Variants in CELSR2 observed in about 807,000 individuals in gnomAD.
The protein encoded by CELSR2 is cadherin EGF LAG seven-pass G-type receptor 2.
CELSR2 carries 81 observed loss-of-function variants against 251.6 expected under a neutral mutation model. The observed-to-expected ratio is 0.32, with a 90% CI of 0.27 to 0.39. The LOEUF is 0.39. Ranked by LOEUF, CELSR2 falls within the 10% of genes least tolerant of loss-of-function variation. The pLI is 1.00. For missense variants in CELSR2, 3,365 were observed against 3,947.7 expected, an observed-to-expected ratio of 0.85 and a Z score of 3.96; for synonymous variants, 1,721 against 1,670.5, an observed-to-expected ratio of 1.03 and a Z score of -0.74.
intron 28 of CELSR2, 48 bp downstream of exon 28, chr1:109,271,770 A>G: frequency 6.2e-7 from 1 of 1,601,036 alleles, no homozygotes; most frequent in Non-Finnish European, 8.5e-7. Context: ...AGGGAGAGGC[A>G]GGAGGCCCAG....
Position 109,265,792 on chromosome 1 carries a change from A to T in CELSR2, c.5785A>T (p.Thr1929Ser). The stretch of plus-strand genomic sequence containing the variant: ...CTGCCTCTTGTGTGACTGCTACCCC[A>T]CAGGCTCCTTGTCCAGAGTCTGTGA... ...PTCLLCDCYPTGSLSRVCDPE... is the reference protein window; with the variant it reads ...PTCLLCDCYPSGSLSRVCDPE... Residue 1929 changes from threonine to serine, a missense_variant, in exon 14 of 34, where the codon ACA becomes TCA. This residue lies in a region of CELSR2 where 2,093 missense variants were observed against 2,382.8 expected (regional missense o/e 0.88). Coordinates refer to ENST00000271332, the MANE Select transcript of CELSR2 (RefSeq NM_001408.3). 1 of 1,613,904 alleles carries T rather than the reference A, an allele frequency of 6.2e-7. No homozygotes were observed. Among genetic ancestry groups the T allele is most frequent in the Non-Finnish European group, 8.5e-7 (1 of 1,179,916 alleles).
In CELSR2 at chr1:109,270,560, C is replaced by G. The variant is rs765404325; in HGVS notation, c.7443C>G (p.Phe2481Leu). 8 of 1,614,188 alleles carry G rather than the reference C, an allele frequency of 5.0e-6. No individual in the cohort carries two copies. The South Asian group carries it at 8.8e-5, about 18-fold the overall frequency. The change falls in exon 24 of 34, where the codon TTC (phenylalanine) becomes TTG (leucine). Residue 2481 changes from phenylalanine to leucine, a missense_variant. Transcript: ENST00000271332. ...VRDVNTGPMR[F>L]YYMLGWGVPA... Reference sequence around the variant, plus strand: ...ATGTCAACACCGGCCCCATGCGCTTCTACTACATGCTGGGCTGGGGCGTGC... The same window carrying G: ...ATGTCAACACCGGCCCCATGCGCTTGTACTACATGCTGGGCTGGGGCGTGC...
intron 6 of CELSR2, 133 bp downstream of exon 6, chr1:109,262,577 G>T (rs919393758): frequency 1.4e-6 from 2 of 1,381,884 alleles, no homozygotes. Flanking sequence ...CTGGGGATGG[G>T]GTCAAGACTG....
rs368113729 is a variant in CELSR2, at chr1:109,274,097, C to T, written c.*48C>T. Reference sequence around the variant, plus strand: ...CCGAGGCTCCCTTCCCTTCCCCAGCCGCACTCATGCCCTGCTCCTGTCTTG... The same window carrying T: ...CCGAGGCTCCCTTCCCTTCCCCAGCTGCACTCATGCCCTGCTCCTGTCTTG... On this transcript the variant is annotated 3_prime_UTR_variant, in exon 34 of 34. Coordinates refer to ENST00000271332, the MANE Select transcript of CELSR2 (RefSeq NM_001408.3). 23 of 1,613,662 alleles carry T rather than the reference C, an allele frequency of 1.4e-5. No homozygotes were observed. Among genetic ancestry groups the T allele is most frequent in the African/African-American group, 4.0e-5 (3 of 74,900 alleles).
At position 109,265,886 on chromosome 1, in the gene CELSR2, C is replaced by G; in HGVS notation, c.5879C>G (p.Pro1960Arg). Reference sequence around the variant, plus strand: ...CGTCAGTGTGACCGCTGTGACAACCCTTTTGCTGAGGTCACCACCAATGGC... The same window carrying G: ...CGTCAGTGTGACCGCTGTGACAACCGTTTTGCTGAGGTCACCACCAATGGC... ...IGRQCDRCDN[P>R]FAEVTTNGCE... The change falls in exon 14 of 34, where the codon CCT becomes CGT. Residue 1960 changes from proline (P) to arginine (R), a missense_variant. By Grantham distance (103) the Pro-to-Arg change is moderately radical (BLOSUM62 -2). Around this residue, in one of 5 missense-constraint regions of CELSR2, gnomAD observed 2,093 missense variants for 2,382.8 expected, o/e 0.88. Coordinates refer to ENST00000271332, the MANE Select transcript of CELSR2 (RefSeq NM_001408.3). The G allele has an allele frequency of 6.2e-7, 1 of 1,613,900 alleles. No individual in the cohort carries two copies. Among genetic ancestry groups the G allele is most frequent in the Non-Finnish European group, 8.5e-7 (1 of 1,179,910 alleles).
In CELSR2 at chr1:109,274,060, T is replaced by C. The variant is rs752446068; in HGVS notation, c.*11T>C. 7 of 1,613,982 alleles carry C rather than the reference T, an allele frequency of 4.3e-6. No homozygotes were observed. The highest frequency in any genetic ancestry group is 1.3e-5 in the African/African-American group (1 of 74,912). ...AACTTCCTGCATTAACCCTGGGCCGTGGTTCCTACGCCCGAGGCTCCCTTC... is the reference window on the plus strand; with the variant it reads ...AACTTCCTGCATTAACCCTGGGCCGCGGTTCCTACGCCCGAGGCTCCCTTC... On this transcript the variant is annotated 3_prime_UTR_variant, in exon 34 of 34. Transcript: ENST00000271332.
rs367546619 is a variant in CELSR2 at position 109,271,729 on chromosome 1, G to T, written c.7926+7G>T. 6.2e-7 allele frequency: 1 copy of T among 1,613,520 alleles called. No individual in the cohort carries two copies. The highest frequency in any genetic ancestry group is 8.5e-7 in the Non-Finnish European group (1 of 1,179,842). On this transcript the variant is annotated splice_region_variant and intron_variant, in intron 28 of 33. Coordinates refer to ENST00000271332, the MANE Select transcript of CELSR2 (RefSeq NM_001408.3). ...CAAGTCCACCCTGACCTCGGTGAGG[G>T]AGCCAGGGGTCTCAGGAGGGCGGTG...
Position 109,250,382 on chromosome 1 carries a change from T to A in CELSR2, c.303T>A (p.Ile101=). The A allele has an allele frequency of 6.2e-7, 1 of 1,613,534 alleles. No individual in the cohort carries two copies. The highest frequency in any genetic ancestry group is 8.5e-7 in the Non-Finnish European group (1 of 1,180,014). Residue 101 remains isoleucine (I), a synonymous_variant, in exon 1 of 34, where the codon ATT becomes ATA. Coordinates refer to ENST00000271332, the MANE Select transcript of CELSR2 (RefSeq NM_001408.3). The surrounding 1 kb of genome is among the most constrained non-coding windows in gnomAD (Gnocchi z 4.4). ...RVWCPESEAH[I]PLPPAPEGCP... Reference sequence around the variant, plus strand: ...GGTGTCCAGAATCCGAGGCCCATATTCCCCTACCACCAGCTCCTGAAGGCT... The same window carrying A: ...GGTGTCCAGAATCCGAGGCCCATATACCCCTACCACCAGCTCCTGAAGGCT...
At position 109,251,706 on chromosome 1, in the gene CELSR2, C is replaced by T. The variant is rs1488965696; in HGVS notation, c.1627C>T (p.Arg543Cys). 5.0e-6 allele frequency: 8 copies of T among 1,613,944 alleles called. No homozygotes were observed. Among genetic ancestry groups the T allele is most frequent in the South Asian group, 3.3e-5 (3 of 91,080 alleles). Residue 543 changes from arginine (R) to cysteine (C), a missense_variant, in exon 1 of 34, where the codon CGC (arginine) becomes TGC (cysteine). Around this residue, in one of 5 missense-constraint regions of CELSR2, gnomAD observed 704 missense variants for 784.1 expected, o/e 0.90. Transcript: ENST00000271332. This position sits in a 1 kb window ranked among gnomAD's most constrained non-coding sequence, Gnocchi z 4.9. Reference sequence around the variant, plus strand: ...TGGTGACAATGCCCGCCTGGAATACCGCCTTGCTGGGGTGGGACATGACTT... The same window carrying T: ...TGGTGACAATGCCCGCCTGGAATACTGCCTTGCTGGGGTGGGACATGACTT... The part of the protein sequence containing the change: ...DAGDNARLEY[R>C]LAGVGHDFPF...
Position 109,274,170 on chromosome 1 carries a change from A to C in CELSR2, c.*121A>C. On this transcript the variant is annotated 3_prime_UTR_variant, in exon 34 of 34. Transcript: ENST00000271332. ...CATCGCCTGCCCGCAGCAGCGACGA[A>C]ACGTCCATCTGAGGAGCCTGGGCCT... The C allele has an allele frequency of 6.3e-7, 1 of 1,595,898 alleles. No individual in the cohort carries two copies.
In CELSR2 at chr1:109,251,809, G is replaced by A. The variant is rs546991920; in HGVS notation, c.1730G>A (p.Ser577Asn). ...ELDREEVDFY[S>N]FGVEARDHGT... The stretch of plus-strand genomic sequence containing the variant: ...GACCGGGAGGAAGTTGATTTCTACA[G>A]CTTTGGGGTAGAAGCTCGAGACCAT... The change falls in exon 1 of 34, where the codon AGC becomes AAC. Residue 577 changes from serine to asparagine, a missense_variant. This residue lies in a region of CELSR2 where 704 missense variants were observed against 784.1 expected (regional missense o/e 0.90). Transcript: ENST00000271332. This position sits in a 1 kb window ranked among gnomAD's most constrained non-coding sequence, Gnocchi z 4.9. 1.9e-6 allele frequency: 3 copies of A among 1,614,116 alleles called. No individual in the cohort carries two copies. Among genetic ancestry groups the A allele is most frequent in the South Asian group, 2.2e-5 (2 of 91,078 alleles).
intron 25 of CELSR2, 36 bp from the exon 26 acceptor site, chr1:109,271,181 C>T (rs1441874035): frequency 1.9e-6 from 3 of 1,600,246 alleles, no homozygotes; most frequent in African/African-American, 2.7e-5. Context: ...GCTGTTTGTC[C>T]CCACTGAGCA....
rs1487337010 is a variant in CELSR2 at position 109,251,386 on chromosome 1, A to G, written c.1307A>G (p.Tyr436Cys). Reference protein sequence around the residue: ...RDKGSNAVVHYSIMSGNARGQ... With the variant: ...RDKGSNAVVHCSIMSGNARGQ... ...AAGGGGAGCAATGCCGTGGTGCACT[A>G]TAGCATCATGAGTGGCAATGCTCGG... The change falls in exon 1 of 34, where the codon TAT becomes TGT. Residue 436 changes from tyrosine (Y) to cysteine (C), a missense_variant. Coordinates refer to ENST00000271332, the MANE Select transcript of CELSR2 (RefSeq NM_001408.3). The surrounding 1 kb of genome is among the most constrained non-coding windows in gnomAD (Gnocchi z 4.9). The G allele has an allele frequency of 1.9e-6, 3 of 1,613,950 alleles. No homozygotes were observed. Among genetic ancestry groups the G allele is most frequent in the Non-Finnish European group, 2.5e-6 (3 of 1,180,042 alleles).
intron 23 of CELSR2, 135 bp from the exon 24 acceptor site, chr1:109,270,291 C>A: frequency 7.8e-7 from 1 of 1,279,118 alleles, no homozygotes; most frequent in African/African-American, 1.5e-5. Flanking sequence ...CCGGGATCCC[C>A]CAGCACCTGC....
Position 109,271,003 on chromosome 1 carries a change from C to T in CELSR2, c.7560C>T (p.Ile2520=), listed in dbSNP as rs1008321220. 2 of 1,613,892 alleles carry T rather than the reference C, an allele frequency of 1.2e-6. No homozygotes were observed. Among genetic ancestry groups the T allele is most frequent in the African/African-American group, 2.7e-5 (2 of 74,880 alleles). The change falls in exon 25 of 34, where the codon ATC becomes ATT. Residue 2520 remains isoleucine, a synonymous_variant. Coordinates refer to ENST00000271332, the MANE Select transcript of CELSR2 (RefSeq NM_001408.3). ...GGCTCTCCATCTATGACACGCTCAT[C>T]TGGAGTTTTGCTGGCCCGGTGGCCT... ...FCWLSIYDTL[I]WSFAGPVAFA...
Position 109,261,687 on chromosome 1 carries a change from C to A in CELSR2, c.4297+59C>A. On this transcript the variant is annotated intron_variant, in intron 4 of 33. Coordinates refer to ENST00000271332, the MANE Select transcript of CELSR2 (RefSeq NM_001408.3). This position sits in a 1 kb window ranked among gnomAD's most constrained non-coding sequence, Gnocchi z 4.8. ...TCCAAAGGCCCCAAGTCTTCCAGCC[C>A]CTGACCCCAAGCCACATACTCTATC... The A allele has an allele frequency of 2.5e-6, 4 of 1,568,918 alleles. No individual in the cohort carries two copies. Among genetic ancestry groups the A allele is most frequent in the Non-Finnish European group, 3.5e-6 (4 of 1,140,068 alleles).
rs1655724338 is a variant in CELSR2 at position 109,252,523 on chromosome 1, TC to T, written c.2446del (p.Leu816CysfsTer92). ...GACGTGAATGACAATGCCCCTCAGT[TC>T]CTGCGAGACTCCTACCAGGGCAGTG... ...VNDVNDNAPQ[F>X]LRDSYQGSVY... On this transcript the variant is annotated frameshift_variant, in exon 1 of 34. Transcript: ENST00000271332. LOFTEE classifies it high-confidence loss of function. The surrounding 1 kb of genome is among the most constrained non-coding windows in gnomAD (Gnocchi z 4.8). The T allele has an allele frequency of 6.2e-7, 1 of 1,613,884 alleles. No individual in the cohort carries two copies. The highest frequency in any genetic ancestry group is 1.3e-5 in the African/African-American group (1 of 75,050).
Position 109,268,563 on chromosome 1 carries a change from T to C in CELSR2, c.6319-18T>C. The C allele has an allele frequency of 1.3e-6, 2 of 1,594,820 alleles. No homozygotes were observed. Among genetic ancestry groups the C allele is most frequent in the Non-Finnish European group, 8.6e-7 (1 of 1,168,252 alleles). On this transcript the variant is annotated intron_variant, in intron 17 of 33. Coordinates refer to ENST00000271332, the MANE Select transcript of CELSR2 (RefSeq NM_001408.3). ...GTGTGGGTTGTGAGCACACCCACCG[T>C]GACCTTGCCCACCCCAGAATCTGCT...
At chr1:109,256,428 A>G (rs1655847793) in intron 1 of CELSR2, among the ~76,000 whole-genome samples, 1 of 152,122 alleles carries the variant, frequency 6.6e-6, no homozygotes, top group Non-Finnish European at 1.5e-5. Context: ...GGCTGAGGAC[A>G]TGGCTGAGAT....
Sources: gnomAD v4.1 joint callset for allele counts (sites outside exome capture counted in the v4.1 genomes callset) on GRCh38, gnomAD v4.1.1 for gene constraint, gnomAD v4.1.1 regional missense constraint, Gnocchi (gnomAD v3.1) non-coding constraint, MANE v1.5 for transcripts, NCBI Gene and HGNC (gene_info 2026-07-23, HGNC 2026-07-21) for gene names.